TPO: variants seen among roughly 807,000 people sequenced by gnomAD.
The protein encoded by TPO is thyroid microsomal antigen.
In TPO, 78 loss-of-function variants were observed where a neutral mutation model predicts 96.9. The observed-to-expected ratio is 0.81, with a 90% confidence interval of 0.67 to 0.97. TPO has a LOEUF of 0.97. Ranked by LOEUF, TPO falls within the 50% of genes least tolerant of loss-of-function variation. TPO has a pLI of 0.00. For missense variants in TPO, 1,252 were observed against 1,274.8 expected (o/e 0.98, Z 0.27); for synonymous variants, 547 against 538.0 (o/e 1.02, Z -0.23).
At chr2:1,494,783 C>T (rs1355657368) in intron 11 of TPO, among the ~76,000 whole-genome samples, 2 of 152,214 alleles carry the variant, frequency 1.3e-5, no homozygotes, top group African/African-American at 4.8e-5. Flanking sequence ...TTTTGGTAGT[C>T]ACTGTGCCGA....
At chr2:1,495,943 G>A (rs371104182) in intron 11 of TPO, 46 bp from the exon 12 acceptor site, 2 of 1,589,624 alleles carry the variant, frequency 1.3e-6, no homozygotes, top group Non-Finnish European at 1.7e-6. Flanking sequence ...CTGCCCTGGG[G>A]GTTCTCCATG....
chr2:1,443,847 T>C (rs1666472610), intron 5 of TPO, among the ~76,000 whole-genome samples: 1 of 113,198 alleles, frequency 8.8e-6, no homozygotes, highest in Non-Finnish European at 1.9e-5. Flanking sequence ...AGGCTCCTTC[T>C]TGTTTATATG....
chr2:1,488,054 C>T, intron 10 of TPO, 63 bp downstream of exon 10: 1 of 1,604,556 alleles, frequency 6.2e-7, no homozygotes, highest in South Asian at 1.1e-5. Flanking sequence ...GAGCTAGCAA[C>T]CTGCTGCTAG....
chr2:1,445,267 C>T (rs1666664673), intron 5 of TPO, among the ~76,000 whole-genome samples: 1 of 131,148 alleles, frequency 7.6e-6, no homozygotes, highest in African/African-American at 2.9e-5. Context: ...ATGATCCAAT[C>T]ACTGCTGCAG....
intron 15 of TPO, among the ~76,000 whole-genome samples, chr2:1,533,007 T>C (rs1487210973): frequency 7.2e-4 from 17 of 23,664 alleles, no homozygotes; most frequent in Admixed American, 1.2e-3. Flanking sequence ...TGCAACCTCC[T>C]CTAGTCCCCC....
chr2:1,412,048 G>T (rs919435863), upstream of TPO, among the ~76,000 whole-genome samples: 1 of 152,098 alleles, frequency 6.6e-6, no homozygotes, highest in Non-Finnish European at 1.5e-5. Context: ...CCCCCCTCAG[G>T]ACTCCCAAAT....
chr2:1,459,081 A>G (rs534502091), intron 7 of TPO, among the ~76,000 whole-genome samples: 111 of 152,266 alleles, frequency 7.3e-4, no homozygotes, highest in African/African-American at 2.6e-3. Flanking sequence ...ACCAGAAAAG[A>G]AAGAGACAAT....
intron 8 of TPO, among the ~76,000 whole-genome samples, chr2:1,484,350 C>T (rs1670919377): frequency 6.6e-6 from 1 of 152,234 alleles, no homozygotes; most frequent in Admixed American, 6.5e-5. Flanking sequence ...TCTCTTGCCA[C>T]TGCCAGCCCC....
chr2:1,459,393 G>A (rs536626340), intron 7 of TPO, among the ~76,000 whole-genome samples: 3 of 152,134 alleles, frequency 2.0e-5, no homozygotes, highest in South Asian at 2.1e-4. Context: ...CTTGGGATCC[G>A]CCTGCCTTGG....
intron 11 of TPO, among the ~76,000 whole-genome samples, chr2:1,495,621 C>T (rs1265663322): frequency 6.6e-6 from 1 of 152,242 alleles, no homozygotes; most frequent in Non-Finnish European, 1.5e-5. Flanking sequence ...CTCTGAGCCC[C>T]TCTTCTGAGG....
intron 14 of TPO, chr2:1,512,584 G>A (rs540013065): frequency 2.0e-5 from 14 of 687,662 alleles, no homozygotes; most frequent in Middle Eastern, 7.4e-4. Context: ...AGGGTCCGCC[G>A]CAGAACACGT....
chr2:1,416,743 C>A (rs575573203), intron 2 of TPO, among the ~76,000 whole-genome samples: 1 of 152,330 alleles, frequency 6.6e-6, no homozygotes, highest in African/African-American at 2.4e-5. Context: ...TATTTTACAG[C>A]CTTTAATAGT....
intron 2 of TPO, among the ~76,000 whole-genome samples, chr2:1,416,635 A>G (rs866562260): frequency 2.6e-5 from 4 of 152,240 alleles, no homozygotes; most frequent in Non-Finnish European, 5.9e-5. Context: ...CGTGCTGGGC[A>G]CATGCTTCTG....
chr2:1,460,763 C>G lies in TPO; in HGVS notation c.819+4481C>G, dbSNP rs754011008. ...AGGGAAGCTCAGCAGGGAGGGAGCA[C>G]GTTGGGTAGGGAGCTGCACTGAGAG... On this transcript the variant is annotated intron_variant, in intron 7 of 16. Coordinates refer to ENST00000329066, the MANE Select transcript of TPO (RefSeq NM_001206744.2). 8.5e-5 allele frequency among the ~76,000 whole-genome samples: 13 copies of G among 152,226 alleles called. No individual in the cohort carries two copies. The Middle Eastern group carries it at 0.01, about 119-fold the overall frequency.
chr2:1,427,880 A>G (rs2148468030), intron 3 of TPO, among the ~76,000 whole-genome samples: 1 of 152,266 alleles, frequency 6.6e-6, no homozygotes, highest in East Asian at 1.9e-4. Context: ...GATTGGTGAT[A>G]CCATTTGAGT....
intron 2 of TPO, among the ~76,000 whole-genome samples, chr2:1,416,006 C>T (rs1662925133): frequency 6.6e-6 from 1 of 152,166 alleles, no homozygotes; most frequent in East Asian, 1.9e-4. Flanking sequence ...GGGGCCTCTC[C>T]CTGCCAGCTT....
At chr2:1,434,945 T>G (rs1558281143) in intron 4 of TPO, among the ~76,000 whole-genome samples, 1 of 152,150 alleles carries the variant, frequency 6.6e-6, no homozygotes, top group African/African-American at 2.4e-5. Context: ...TCTTCTTTTT[T>G]TTTGTTGAGA....
At chr2:1,452,893 C>T (rs948786290) in intron 5 of TPO, among the ~76,000 whole-genome samples, 2 of 152,206 alleles carry the variant, frequency 1.3e-5, no homozygotes, top group East Asian at 3.9e-4. Flanking sequence ...ACAGTACACT[C>T]GGAACTAAGT....
chr2:1,407,516 T>C (rs947554160), intron 1 of TPO, among the ~76,000 whole-genome samples: 1 of 152,246 alleles, frequency 6.6e-6, no homozygotes, highest in Non-Finnish European at 1.5e-5. Flanking sequence ...TTTTTAGAAA[T>C]GGCACATTTA....
Sources: allele counts gnomAD v4.1 joint callset (sites outside exome capture counted in the v4.1 genomes callset), GRCh38; gene constraint gnomAD v4.1.1; transcripts MANE v1.5; gene names NCBI Gene and HGNC (gene_info 2026-07-23, HGNC 2026-07-21).